The following YWHAB variants were observed in gnomAD, a reference collection of about 807,000 sequenced individuals.
The protein encoded by YWHAB is 14-3-3 protein beta/alpha.
A neutral mutation model predicts 28.5 loss-of-function variants in YWHAB; 2 were observed. The observed-to-expected ratio is 0.07, with a 90% confidence interval of 0.03 to 0.22. The LOEUF (loss-of-function observed/expected upper bound fraction) is 0.22, where lower values mean the gene tolerates loss of function less well. YWHAB is among the 10% of genes least tolerant of loss of function. The pLI, the probability that YWHAB is intolerant of heterozygous loss-of-function variation, is 1.00. For missense variants in YWHAB, 148 were observed against 297.1 expected, an observed-to-expected ratio of 0.50 and a Z score of 3.69; for synonymous variants, 103 against 104.7, an observed-to-expected ratio of 0.98 and a Z score of 0.10.
At chr20:44,889,232 CTA>C (rs779249795) in intron 1 of YWHAB, among the ~76,000 whole-genome samples, 5 of 152,178 alleles carry the variant, frequency 3.3e-5, no homozygotes, top group Non-Finnish European at 5.9e-5. Flanking sequence ...GATGGAGAAA[CTA>C]ACGGTTGGAG....
intron 1 of YWHAB, among the ~76,000 whole-genome samples, chr20:44,897,488 AC>A (rs1460507333): frequency 1.3e-5 from 2 of 152,124 alleles, no homozygotes; most frequent in Admixed American, 1.3e-4. Context: ...TGTACCTGGC[AC>A]TTTTAGAAAC....
intron 1 of YWHAB, among the ~76,000 whole-genome samples, chr20:44,898,673 A>G (rs1424987411): frequency 6.6e-6 from 1 of 151,836 alleles, no homozygotes; most frequent in African/African-American, 2.4e-5. Context: ...TGCCCAGCTA[A>G]TTTTTTGTTT....
Position 44,904,050 on chromosome 20 carries a change from T to C in YWHAB, c.358T>C (p.Tyr120His). 1.9e-6 allele frequency: 3 copies of C among 1,606,490 alleles called. No homozygotes were observed. The highest frequency in any genetic ancestry group is 1.7e-6 in the Non-Finnish European group (2 of 1,178,210). Residue 120 changes from tyrosine to histidine, a missense_variant, in exon 3 of 6, where the codon TAC becomes CAC. By Grantham distance (83) the Tyr-to-His change is moderately conservative. Coordinates refer to ENST00000353703, the MANE Select transcript of YWHAB (RefSeq NM_139323.4). ...NATQPESKVF[Y>H]LKMKGDYFRY... ...TACACAACCAGAAAGTAAGGTGTTC[T>C]ACTTGAAAATGAAAGGAGATTATTT...
chr20:44,895,191 A>T (rs1295247467), intron 1 of YWHAB, among the ~76,000 whole-genome samples: 1 of 152,218 alleles, frequency 6.6e-6, no homozygotes, highest in Non-Finnish European at 1.5e-5. Flanking sequence ...GAGTTCAGAT[A>T]GGCAGGCAGT....
intron 1 of YWHAB, among the ~76,000 whole-genome samples, chr20:44,893,510 C>G (rs1293000285): frequency 1.3e-5 from 2 of 151,934 alleles, no homozygotes; most frequent in African/African-American, 4.8e-5. Context: ...CCAGTGTTAA[C>G]CATTTGGTGT....
chr20:44,887,886 G>A (rs1666697688), intron 1 of YWHAB: 1 of 152,000 alleles, frequency 6.6e-6, no homozygotes, highest in Admixed American at 6.5e-5. Context: ...ATAAGCTTTT[G>A]GTTTGTTTTT....
chr20:44,894,504 A>G (rs1484676156), intron 1 of YWHAB, among the ~76,000 whole-genome samples: 1 of 152,218 alleles, frequency 6.6e-6, no homozygotes, highest in East Asian at 1.9e-4. Context: ...TACATTTAAC[A>G]TATATGTCCA....
Position 44,904,163 on chromosome 20 carries a change from C to A in YWHAB, c.424+47C>A. ...AAATTCGACCAGTAATGGAGCCAGT[C>A]TTCTTTCACAGGGACTTTTTAACGA... On this transcript the variant is annotated intron_variant, in intron 3 of 5. Coordinates refer to ENST00000353703, the MANE Select transcript of YWHAB (RefSeq NM_139323.4). The A allele has an allele frequency of 1.9e-6, 3 of 1,604,554 alleles. No homozygotes were observed. In the South Asian group the frequency reaches 3.4e-5, roughly 18 times the overall value.
intron 1 of YWHAB, among the ~76,000 whole-genome samples, 172 bp from the exon 2 acceptor site, chr20:44,901,359 A>G (rs2066625324): frequency 6.6e-6 from 1 of 152,218 alleles, no homozygotes; most frequent in Admixed American, 6.5e-5. Flanking sequence ...TTAGCAAAGT[A>G]CTTAACCCTA....
In YWHAB at chr20:44,906,504, TAAAAAAAAAAAA is replaced by T. The variant is rs775632748; in HGVS notation, c.*78_*89del. On this transcript the variant is annotated 3_prime_UTR_variant, in exon 6 of 6. Coordinates refer to ENST00000353703, the MANE Select transcript of YWHAB (RefSeq NM_139323.4). ...CCCTCAACATATATCCCTTGTGCGA[TAAAAAAAAAAAA>T]AAAAAAAAAAAGAGAATCGTACGTC... is the stretch of plus-strand genomic sequence containing the variant. The T allele has an allele frequency of 8.4e-6, 3 of 356,910 alleles. No homozygotes were observed. The highest frequency in any genetic ancestry group is 3.2e-5 in the African/African-American group (1 of 31,256). The allele number at this position is 356,910 out of a possible 1,614,324, so 22.1% of individuals were successfully genotyped here. A position where few individuals can be genotyped will look rare whatever the true frequency, so the allele number is the denominator to read the frequency against.
intron 3 of YWHAB, 100 bp downstream of exon 3, chr20:44,904,216 A>G: frequency 4.9e-6 from 7 of 1,431,320 alleles, no homozygotes; most frequent in African/African-American, 1.4e-5. Context: ...ATAGACACCA[A>G]TGTCACAGTA....
At chr20:44,894,280 G>A (rs2066582264) in intron 1 of YWHAB, among the ~76,000 whole-genome samples, 1 of 152,152 alleles carries the variant, frequency 6.6e-6, no homozygotes, top group African/African-American at 2.4e-5. Flanking sequence ...GTTTGCCTGC[G>A]CCAGTATCTT....
chr20:44,894,503 C>A (rs2066583972), intron 1 of YWHAB, among the ~76,000 whole-genome samples: 1 of 152,136 alleles, frequency 6.6e-6, no homozygotes, highest in Non-Finnish European at 1.5e-5. Context: ...TTACATTTAA[C>A]ATATATGTCC....
intron 1 of YWHAB, among the ~76,000 whole-genome samples, chr20:44,892,183 T>C (rs1364790259): frequency 1.3e-5 from 2 of 152,246 alleles, no homozygotes; most frequent in Non-Finnish European, 1.5e-5. Context: ...ATCAGTTCCT[T>C]ACCCCATTGA....
chr20:44,886,329 C>G (rs564933814), intron 1 of YWHAB: 1 of 152,498 alleles, frequency 6.6e-6, no homozygotes, highest in East Asian at 1.9e-4. Flanking sequence ...GTTTTCTAGC[C>G]CCAGTCCCCG....
intron 4 of YWHAB, 140 bp downstream of exon 4, chr20:44,905,271 T>G: frequency 1.4e-6 from 1 of 736,462 alleles, no homozygotes; most frequent in South Asian, 2.5e-5. Flanking sequence ...TTTTATGAGA[T>G]AAATACAGAT....
chr20:44,888,260 C>T (rs1029184037), intron 1 of YWHAB, among the ~76,000 whole-genome samples: 1 of 152,210 alleles, frequency 6.6e-6, no homozygotes, highest in Non-Finnish European at 1.5e-5. Context: ...TATTCACCAA[C>T]TGATGAGGTG....
intron 1 of YWHAB, among the ~76,000 whole-genome samples, chr20:44,894,953 T>G (rs190149096): frequency 5.9e-5 from 9 of 152,398 alleles, no homozygotes; most frequent in African/African-American, 2.2e-4. Context: ...ATATGAGTTT[T>G]GTGCTTAGCA....
chr20:44,905,908 G>C lies in YWHAB; in HGVS notation c.589-93G>C. 3 of 916,968 alleles carry C rather than the reference G, an allele frequency of 3.3e-6. No homozygotes were observed. The South Asian group carries it at 4.4e-5, about 14-fold the overall frequency. The allele number at this position is 916,968 out of a possible 1,614,324, so 56.8% of individuals were successfully genotyped here. Reference sequence around the variant, plus strand: ...TAGGTTCCCCCAAAGTACTGTACAAGAAGATAAGTTATATTCACCTAGCGG... The same window carrying C: ...TAGGTTCCCCCAAAGTACTGTACAACAAGATAAGTTATATTCACCTAGCGG... On this transcript the variant is annotated intron_variant, in intron 4 of 5. Coordinates refer to ENST00000353703, the MANE Select transcript of YWHAB (RefSeq NM_139323.4).
Sources: gnomAD v4.1 joint callset for allele counts (sites outside exome capture counted in the v4.1 genomes callset) on GRCh38, gnomAD v4.1.1 for gene constraint, MANE v1.5 for transcripts, NCBI Gene and HGNC (gene_info 2026-07-23, HGNC 2026-07-21) for gene names.